The following TBC1D1 variants were observed in gnomAD, a reference collection of about 807,000 sequenced individuals.
The protein encoded by TBC1D1 is TBC1 domain family member 1.
In TBC1D1, 89 loss-of-function variants were observed where a neutral mutation model predicts 125.6. The observed-to-expected ratio is 0.71, with a 90% CI of 0.60 to 0.85. The LOEUF (loss-of-function observed/expected upper bound fraction) is 0.85, where lower values mean the gene tolerates loss of function less well. TBC1D1 is among the 40% of genes least tolerant of loss of function. The pLI, the probability that TBC1D1 is intolerant of heterozygous loss-of-function variation, is 0.00. For missense variants in TBC1D1, 1,377 were observed against 1,469.2 expected (o/e 0.94, Z 1.03); for synonymous variants, 565 against 564.1 (o/e 1.00, Z -0.02).
intron 2 of TBC1D1, among the ~76,000 whole-genome samples, chr4:37,928,690 CGG>C (rs1430282075): frequency 2.6e-5 from 4 of 152,184 alleles, no homozygotes; most frequent in Admixed American, 2.6e-4. Context: ...TTCTTCCAGG[CGG>C]TCTTTGGCAG....
chr4:37,926,078 C>T (rs999159698), intron 2 of TBC1D1, among the ~76,000 whole-genome samples: 18 of 152,176 alleles, frequency 1.2e-4, no homozygotes, highest in African/African-American at 4.1e-4. Context: ...GAAAATGCTC[C>T]GTAATCTGTG....
chr4:38,060,418 C>T (rs1752549512), intron 12 of TBC1D1, among the ~76,000 whole-genome samples: 2 of 152,240 alleles, frequency 1.3e-5, no homozygotes, highest in Admixed American at 1.3e-4. Flanking sequence ...AATCACCGTT[C>T]TGACTGGTGT....
At chr4:38,000,057 T>C (rs970800187) in intron 2 of TBC1D1, among the ~76,000 whole-genome samples, 1 of 152,236 alleles carries the variant, frequency 6.6e-6, no homozygotes, top group East Asian at 1.9e-4. Context: ...GAGTTTGCTC[T>C]TCATGTTGAT....
intron 2 of TBC1D1, among the ~76,000 whole-genome samples, chr4:37,943,809 T>G (rs1726084148): frequency 6.6e-6 from 1 of 152,188 alleles, no homozygotes; most frequent in Admixed American, 6.5e-5. Context: ...AGAAGTTTGA[T>G]TGTCTGAAGC....
chr4:37,953,517 G>T (rs1728307963), intron 2 of TBC1D1, among the ~76,000 whole-genome samples: 1 of 152,152 alleles, frequency 6.6e-6, no homozygotes, highest in Admixed American at 6.5e-5. Context: ...CAATAATTTT[G>T]CAATTAAGCT....
rs560773915 is a variant in TBC1D1 at position 38,102,476 on chromosome 4, G to A, written c.2399-523G>A. On this transcript the variant is annotated intron_variant, in intron 14 of 19. Coordinates refer to ENST00000261439, the MANE Select transcript of TBC1D1 (RefSeq NM_015173.4). Reference sequence around the variant, plus strand: ...AACACATTTGAGAAGTGAGAAGAAGGGAGGAAGGGGCCAGGGAAGTGAGGG... The same window carrying A: ...AACACATTTGAGAAGTGAGAAGAAGAGAGGAAGGGGCCAGGGAAGTGAGGG... 2.0e-5 allele frequency among the ~76,000 whole-genome samples: 3 copies of A among 152,186 alleles called. No homozygotes were observed. In the East Asian group the frequency reaches 5.8e-4, roughly 29 times the overall value.
At chr4:37,938,344 T>A (rs2152300309) in intron 2 of TBC1D1, among the ~76,000 whole-genome samples, 1 of 152,216 alleles carries the variant, frequency 6.6e-6, no homozygotes, top group South Asian at 2.1e-4. Flanking sequence ...GAAACCTAGT[T>A]CTGGGTGTAA....
At chr4:37,961,219 T>C (rs1331664988) in intron 2 of TBC1D1, 1 of 710,602 alleles carries the variant, frequency 1.4e-6, no homozygotes, top group Admixed American at 2.9e-5. Context: ...TTTGGGGATA[T>C]GTCAACATGA....
chr4:38,050,329 G>C (rs1305087483), intron 11 of TBC1D1, among the ~76,000 whole-genome samples: 1 of 152,198 alleles, frequency 6.6e-6, no homozygotes, highest in African/African-American at 2.4e-5. Flanking sequence ...GGGTGCTTCA[G>C]CTTCTGGTCC....
intron 13 of TBC1D1, among the ~76,000 whole-genome samples, chr4:38,094,480 T>C (rs1758979899): frequency 6.6e-6 from 1 of 152,200 alleles, no homozygotes; most frequent in Admixed American, 6.5e-5. Flanking sequence ...TCTGAAGTTC[T>C]TGCCCTGGAG....
intron 8 of TBC1D1, among the ~76,000 whole-genome samples, chr4:38,043,177 C>T (rs1444325105): frequency 6.6e-6 from 1 of 151,500 alleles, no homozygotes; most frequent in Admixed American, 6.6e-5. Flanking sequence ...GCTGAGATTA[C>T]AGGCATGAGC....
intron 2 of TBC1D1, among the ~76,000 whole-genome samples, chr4:37,918,002 C>G (rs1486847926): frequency 6.6e-6 from 1 of 152,072 alleles, no homozygotes; most frequent in Non-Finnish European, 1.5e-5. Context: ...CATAGTTGCC[C>G]TGTGCTACTT....
chr4:38,091,525 A>T (rs1444230898), intron 13 of TBC1D1, among the ~76,000 whole-genome samples: 1 of 152,224 alleles, frequency 6.6e-6, no homozygotes, highest in East Asian at 1.9e-4. Context: ...GTTCGTGTGT[A>T]TCTTGGGATT....
intron 2 of TBC1D1, among the ~76,000 whole-genome samples, chr4:37,951,026 C>T (rs903097327): frequency 2.6e-5 from 4 of 152,196 alleles, no homozygotes; most frequent in Non-Finnish European, 5.9e-5. Context: ...GGCCTCCCAC[C>T]AATGCTGGGA....
intron 2 of TBC1D1, among the ~76,000 whole-genome samples, chr4:37,933,858 C>T (rs1045123396): frequency 2.0e-5 from 3 of 152,044 alleles, no homozygotes; most frequent in Non-Finnish European, 4.4e-5. Flanking sequence ...GTGGCATAGT[C>T]TTGTTAATTT....
chr4:38,006,571 C>G (rs989137332), intron 2 of TBC1D1, among the ~76,000 whole-genome samples: 1 of 150,456 alleles, frequency 6.6e-6, no homozygotes, highest in Admixed American at 6.7e-5. Context: ...CTCTGCCTTC[C>G]GGGTTCAAGC....
intron 12 of TBC1D1, among the ~76,000 whole-genome samples, chr4:38,077,321 G>A (rs1033850084): frequency 6.6e-6 from 1 of 152,218 alleles, no homozygotes; most frequent in East Asian, 1.9e-4. Flanking sequence ...GAGAAGAAAG[G>A]ATGGGGAAAT....
intron 2 of TBC1D1, among the ~76,000 whole-genome samples, chr4:38,009,750 C>T (rs958577456): frequency 2.6e-5 from 4 of 152,144 alleles, no homozygotes; most frequent in African/African-American, 9.7e-5. Flanking sequence ...AAAATGCAGA[C>T]TTACTTTCAA....
At chr4:38,102,238 TATA>T (rs77574841) in intron 14 of TBC1D1, among the ~76,000 whole-genome samples, 9 of 149,592 alleles carry the variant, frequency 6.0e-5, no homozygotes, top group Non-Finnish European at 7.4e-5. Flanking sequence ...AAATTTAAAG[TATA>T]ATAATAATAA....
Sources: gnomAD v4.1 joint callset for allele counts (sites outside exome capture counted in the v4.1 genomes callset) on GRCh38, gnomAD v4.1.1 for gene constraint, MANE v1.5 for transcripts, NCBI Gene and HGNC (gene_info 2026-07-23, HGNC 2026-07-21) for gene names.